PPP1R21: variants seen among roughly 807,000 people sequenced by gnomAD.
PPP1R21 encodes protein phosphatase 1 regulatory subunit 21.
Under a neutral mutation model 112.8 loss-of-function variants are expected in PPP1R21, and 85 were observed. The observed-to-expected ratio is 0.75, with a 90% CI of 0.63 to 0.90. PPP1R21 has a LOEUF of 0.90. PPP1R21 is among the 40% of genes least tolerant of loss of function. The probability of loss-of-function intolerance (pLI) is 0.00; values close to 1 mark genes in which losing one functional copy is unlikely to be tolerated. For missense variants in PPP1R21, 1,199 were observed against 901.5 expected (o/e 1.33, Z -4.23); for synonymous variants, 381 against 322.3 (o/e 1.18, Z -1.95).
At chr2:48,441,634 C>T (rs373136696) in intron 1 of PPP1R21, among the ~76,000 whole-genome samples, 1 of 152,210 alleles carries the variant, frequency 6.6e-6, no homozygotes, top group African/African-American at 2.4e-5. Context: ...GGGGCAGACA[C>T]CCAGCGGGTG....
At chr2:48,501,592 C>G (rs998533745) in intron 17 of PPP1R21, among the ~76,000 whole-genome samples, 1 of 152,130 alleles carries the variant, frequency 6.6e-6, no homozygotes, top group Non-Finnish European at 1.5e-5. Context: ...CAAGCCCTGC[C>G]CTCTTAACCA....
In PPP1R21 at chr2:48,440,862, C is replaced by G; in HGVS notation, c.-92C>G. The stretch of plus-strand genomic sequence containing the variant: ...GCGGTGGCCAAGCAGGCAGATACTG[C>G]CTGACCCGTTCCCGGGAGCGTGTCT... On this transcript the variant is annotated 5_prime_UTR_variant, in exon 1 of 22. Coordinates refer to ENST00000294952, the MANE Select transcript of PPP1R21 (RefSeq NM_001135629.3). 1.1e-6 allele frequency: 1 copy of G among 931,718 alleles called. No homozygotes were observed. Among genetic ancestry groups the G allele is most frequent in the South Asian group, 1.4e-5 (1 of 69,516 alleles). 57.7% of individuals were successfully genotyped at this position (931,718 alleles called of 1,614,324 possible).
intron 17 of PPP1R21, among the ~76,000 whole-genome samples, chr2:48,501,541 C>A (rs893604125): frequency 6.6e-6 from 1 of 152,216 alleles, no homozygotes; most frequent in African/African-American, 2.4e-5. Context: ...AAATAACTCA[C>A]ATGAAGTCAC....
chr2:48,508,221 C>T (rs938489618), intron 19 of PPP1R21, among the ~76,000 whole-genome samples: 1 of 152,030 alleles, frequency 6.6e-6, no homozygotes, highest in African/African-American at 2.4e-5. Context: ...GGATGCTGCT[C>T]AACATAAAAG....
intron 17 of PPP1R21, 95 bp from the exon 18 acceptor site, chr2:48,505,469 T>G: frequency 1.1e-6 from 1 of 909,290 alleles, no homozygotes. Flanking sequence ...CTCAATGCTC[T>G]GTGAACGGAG....
chr2:48,462,309 A>G (rs1027824526), intron 7 of PPP1R21, among the ~76,000 whole-genome samples: 1 of 152,196 alleles, frequency 6.6e-6, no homozygotes, highest in Non-Finnish European at 1.5e-5. Flanking sequence ...TGGTAAGTCA[A>G]AATTTCTACC....
intron 13 of PPP1R21, among the ~76,000 whole-genome samples, chr2:48,482,558 T>A: frequency 6.6e-6 from 1 of 152,064 alleles, no homozygotes; most frequent in East Asian, 1.9e-4. Flanking sequence ...TAAAGAGTAA[T>A]ATATCATCTA....
intron 3 of PPP1R21, among the ~76,000 whole-genome samples, chr2:48,455,142 ATTTT>A (rs767494556): frequency 1.7e-5 from 2 of 117,012 alleles, no homozygotes; most frequent in Non-Finnish European, 3.5e-5. Flanking sequence ...CCGGCCCTGA[ATTTT>A]TTTTTTTTTT....
chr2:48,464,078 TC>T (rs1668099238), intron 7 of PPP1R21, among the ~76,000 whole-genome samples: 1 of 152,144 alleles, frequency 6.6e-6, no homozygotes, highest in Non-Finnish European at 1.5e-5. Context: ...TACTCGGGAT[TC>T]GTGTTAGCAA....
rs558154029 is a variant in PPP1R21 at position 48,481,783 on chromosome 2, G to A, written c.1318+1767G>A. Among the ~76,000 whole-genome samples, 7 of 152,126 alleles carry A rather than the reference G, an allele frequency of 4.6e-5. 1 individual carries two copies. The South Asian group carries it at 1.0e-3, about 23-fold the overall frequency. On this transcript the variant is annotated intron_variant, in intron 13 of 21. Coordinates refer to ENST00000294952, the MANE Select transcript of PPP1R21 (RefSeq NM_001135629.3). ...AATACAGGTTGAGCATTCTTAATAC[G>A]GTAATCTGAAATCCAAAATGCTTCA...
intron 12 of PPP1R21, chr2:48,479,659 A>C (rs890759009): frequency 1.6e-5 from 10 of 619,852 alleles, no homozygotes; most frequent in Non-Finnish European, 3.0e-5. Context: ...TTTTACAAAG[A>C]ATCATGACAG....
chr2:48,499,213 A>G (rs766801739), intron 17 of PPP1R21, among the ~76,000 whole-genome samples: 6 of 152,170 alleles, frequency 3.9e-5, no homozygotes, highest in Non-Finnish European at 8.8e-5. Flanking sequence ...CGTGTACTCT[A>G]GAAGAATGCT....
At chr2:48,514,073 C>CT (rs1225415838) in intron 21 of PPP1R21, among the ~76,000 whole-genome samples, 2,408 of 89,858 alleles carry the variant, frequency 0.027, 45 homozygotes, top group South Asian at 0.044. Flanking sequence ...GAGACATGTT[C>CT]TTTTTTTTTT....
chr2:48,493,011 CTTTTTTTTTTTT>C (rs746795481), intron 15 of PPP1R21, among the ~76,000 whole-genome samples: 22 of 96,672 alleles, frequency 2.3e-4, no homozygotes, highest in Admixed American at 2.1e-3. Flanking sequence ...GGTCATTTAC[CTTTTTTTTTTTT>C]TTTTTTTTTT....
chr2:48,460,615 T>C (rs1264599550), intron 6 of PPP1R21, among the ~76,000 whole-genome samples: 3 of 152,220 alleles, frequency 2.0e-5, no homozygotes, highest in African/African-American at 7.2e-5. Context: ...TTTGATAATA[T>C]TTTAGTTTTT....
chr2:48,474,187 A>G (rs1668641427), intron 11 of PPP1R21, among the ~76,000 whole-genome samples: 1 of 152,162 alleles, frequency 6.6e-6, no homozygotes, highest in South Asian at 2.1e-4. Flanking sequence ...GTTCGAGACC[A>G]GCCTGACCAA....
chr2:48,448,848 G>C (rs1021336314), intron 1 of PPP1R21, among the ~76,000 whole-genome samples: 6 of 152,136 alleles, frequency 3.9e-5, no homozygotes, highest in African/African-American at 9.7e-5. Context: ...TAGGCTTGAG[G>C]CTATGTGGTT....
At chr2:48,514,132 T>C (rs913187311) in intron 21 of PPP1R21, among the ~76,000 whole-genome samples, 2 of 127,786 alleles carry the variant, frequency 1.6e-5, no homozygotes, top group African/African-American at 3.1e-5. Flanking sequence ...CCCGGGTTCA[T>C]GCCATTCTCC....
At chr2:48,458,280 A>C in intron 4 of PPP1R21, 53 bp downstream of exon 4, 1 of 1,189,402 alleles carries the variant, frequency 8.4e-7, no homozygotes, top group Non-Finnish European at 1.2e-6. Flanking sequence ...GTGATCTGTT[A>C]ATGTGGAAAA....
Sources: allele counts gnomAD v4.1 joint callset (sites outside exome capture counted in the v4.1 genomes callset), GRCh38; gene constraint gnomAD v4.1.1; transcripts MANE v1.5; gene names NCBI Gene and HGNC (gene_info 2026-07-23, HGNC 2026-07-21).